WWC2: variants seen among roughly 807,000 people sequenced by gnomAD.
WWC2 encodes WW and C2 domain containing 2.
In WWC2, 101 loss-of-function variants were observed where a neutral mutation model predicts 138.5. The ratio of observed to expected loss-of-function variants is 0.73; its 90% CI spans 0.62 to 0.86. The LOEUF (loss-of-function observed/expected upper bound fraction) is 0.86, where lower values mean the gene tolerates loss of function less well. Ranked by LOEUF, WWC2 falls within the 40% of genes least tolerant of loss-of-function variation. The pLI is 0.00. For missense variants in WWC2, 1,420 were observed against 1,419.4 expected (o/e 1.00, Z -0.01); for synonymous variants, 558 against 538.4 (o/e 1.04, Z -0.50).
intron 20 of WWC2, among the ~76,000 whole-genome samples, chr4:183,287,151 G>A (rs77586336): frequency 5.1e-4 from 78 of 152,294 alleles, no homozygotes; most frequent in African/African-American, 1.8e-3. Flanking sequence ...CATGTGCAGA[G>A]TAAGAGATGC....
In WWC2 at chr4:183,282,864, C is replaced by G; in HGVS notation, c.2841C>G (p.Ala947=). 1 of 1,591,148 alleles carries G rather than the reference C, an allele frequency of 6.3e-7. No homozygotes were observed. The highest frequency in any genetic ancestry group is 8.6e-7 in the Non-Finnish European group (1 of 1,168,354). The part of the protein sequence containing the change: ...EDGNRKESNC[A]KDLRSQPPTR... Reference sequence around the variant, plus strand: ...GGAACAGGAAAGAAAGCAACTGTGCCAAAGACCTCAGAAGTCAGCCACCTA... The same window carrying G: ...GGAACAGGAAAGAAAGCAACTGTGCGAAAGACCTCAGAAGTCAGCCACCTA... Residue 947 remains alanine, a synonymous_variant, in exon 18 of 23, where the codon GCC becomes GCG. Coordinates refer to ENST00000403733, the MANE Select transcript of WWC2 (RefSeq NM_024949.6).
chr4:183,163,632 T>C (rs1166144203), intron 1 of WWC2, among the ~76,000 whole-genome samples: 1 of 152,210 alleles, frequency 6.6e-6, no homozygotes, highest in Non-Finnish European at 1.5e-5. Flanking sequence ...CCTTTATTTT[T>C]CATTTTGGTT....
chr4:183,150,426 A>T (rs944103996), intron 1 of WWC2, among the ~76,000 whole-genome samples: 29 of 152,302 alleles, frequency 1.9e-4, no homozygotes, highest in African/African-American at 6.7e-4. Context: ...AACAGAGTTC[A>T]AGGTCATCAC....
At chr4:183,201,451 C>T (rs1468970865) in intron 2 of WWC2, among the ~76,000 whole-genome samples, 1 of 152,142 alleles carries the variant, frequency 6.6e-6, no homozygotes, top group East Asian at 1.9e-4. Flanking sequence ...CGACTCAGGC[C>T]ATTTTGTTGA....
intron 14 of WWC2, among the ~76,000 whole-genome samples, chr4:183,266,737 T>A (rs114111546): frequency 1.8e-4 from 28 of 152,294 alleles, no homozygotes; most frequent in Non-Finnish European, 4.0e-4. Context: ...ATCTTAATAA[T>A]ATTTTGAATA....
chr4:183,201,438 G>A (rs566784727), intron 2 of WWC2, among the ~76,000 whole-genome samples: 2 of 152,246 alleles, frequency 1.3e-5, no homozygotes, highest in South Asian at 4.1e-4. Flanking sequence ...CACTGTGCCC[G>A]TCCGACTCAG....
At chr4:183,146,598 A>G (rs563404993) in intron 1 of WWC2, among the ~76,000 whole-genome samples, 12 of 152,292 alleles carry the variant, frequency 7.9e-5, no homozygotes, top group African/African-American at 2.9e-4. Flanking sequence ...GAAGGATCAC[A>G]GGAATTGAGT....
In WWC2 at chr4:183,315,813, T is replaced by G. The variant is rs1739418723; in HGVS notation, c.*84T>G. 3.3e-6 allele frequency: 4 copies of G among 1,213,762 alleles called. No homozygotes were observed. The highest frequency in any genetic ancestry group is 4.6e-6 in the Non-Finnish European group (4 of 875,694). 75.2% of individuals were successfully genotyped at this position (1,213,762 alleles called of 1,614,324 possible). On this transcript the variant is annotated 3_prime_UTR_variant, in exon 23 of 23. Transcript: ENST00000403733. ...CTGAAGATTTGTGTTTTTGTTTTGG[T>G]GTTTGGTTTTTTTTGGTAACGTAAC...
At chr4:183,231,251 G>A (rs1424369006) in intron 4 of WWC2, among the ~76,000 whole-genome samples, 1 of 137,786 alleles carries the variant, frequency 7.3e-6, no homozygotes, top group Non-Finnish European at 1.6e-5. Context: ...AACAGATACA[G>A]TGAAAGCTTT....
At chr4:183,219,786 T>C (rs1488736662) in intron 4 of WWC2, among the ~76,000 whole-genome samples, 1 of 152,194 alleles carries the variant, frequency 6.6e-6, no homozygotes, top group Non-Finnish European at 1.5e-5. Flanking sequence ...GTAAGCAGAA[T>C]TCTAAAATAT....
chr4:183,144,108 A>G (rs1194135777), intron 1 of WWC2, among the ~76,000 whole-genome samples: 6 of 152,242 alleles, frequency 3.9e-5, no homozygotes, highest in African/African-American at 1.4e-4. Context: ...GCCTGTTTAA[A>G]TGGGAACAGT....
At chr4:183,249,753 T>C (rs1368006814) in intron 7 of WWC2, among the ~76,000 whole-genome samples, 167 bp from the exon 8 acceptor site, 1 of 152,248 alleles carries the variant, frequency 6.6e-6, no homozygotes, top group Non-Finnish European at 1.5e-5. Flanking sequence ...AGAAATGTTT[T>C]GCCCCTACTG....
Position 183,260,958 on chromosome 4 carries a change from C to G in WWC2, c.1335C>G (p.Ser445=), listed in dbSNP as rs772470023. The change falls in exon 11 of 23, where the codon TCC becomes TCG. Residue 445 remains serine, a synonymous_variant. Transcript: ENST00000403733. ...LSMSSGSSLG[S]LASSRGSLNT... is the part of the protein sequence containing the mutation. ...TGTCATCTGGGAGCAGCCTGGGTTC[C>G]CTGGCATCGAGTCGGGGCTCTCTGA... 8 of 1,613,920 alleles carry G rather than the reference C, an allele frequency of 5.0e-6. No homozygotes were observed. The highest frequency in any genetic ancestry group is 6.8e-6 in the Non-Finnish European group (8 of 1,179,874).
chr4:183,224,381 A>G (rs1736010893), intron 4 of WWC2, among the ~76,000 whole-genome samples: 1 of 151,980 alleles, frequency 6.6e-6, no homozygotes, highest in Non-Finnish European at 1.5e-5. Flanking sequence ...TTATTTATTT[A>G]TTTGTTGGAA....
At chr4:183,275,864 G>A (rs1737838212) in intron 16 of WWC2, among the ~76,000 whole-genome samples, 1 of 152,106 alleles carries the variant, frequency 6.6e-6, no homozygotes, top group Non-Finnish European at 1.5e-5. Flanking sequence ...ACGTTTCATA[G>A]AATTCACAAG....
chr4:183,229,632 T>G (rs937436294), intron 4 of WWC2, among the ~76,000 whole-genome samples: 5 of 152,070 alleles, frequency 3.3e-5, no homozygotes, highest in Non-Finnish European at 7.3e-5. Flanking sequence ...TGGTATTCTT[T>G]TCCAGCATCC....
At chr4:183,278,238 C>T (rs2111396117) in intron 16 of WWC2, among the ~76,000 whole-genome samples, 1 of 152,182 alleles carries the variant, frequency 6.6e-6, no homozygotes, top group Middle Eastern at 3.4e-3. Flanking sequence ...ATAGGGAATC[C>T]TTTCCCCATT....
intron 21 of WWC2, among the ~76,000 whole-genome samples, chr4:183,311,344 A>G (rs563295296): frequency 2.7e-4 from 41 of 152,336 alleles, no homozygotes; most frequent in African/African-American, 9.9e-4. Context: ...TACATATAAC[A>G]GCGTGTATGA....
chr4:183,287,411 C>T (rs756801535), intron 20 of WWC2, among the ~76,000 whole-genome samples: 16 of 152,134 alleles, frequency 1.1e-4, no homozygotes, highest in Admixed American at 3.9e-4. Context: ...TCTTAAGCAG[C>T]TCATACTCTC....
Sources: gnomAD v4.1 joint callset for allele counts (sites outside exome capture counted in the v4.1 genomes callset) on GRCh38, gnomAD v4.1.1 for gene constraint, MANE v1.5 for transcripts, NCBI Gene and HGNC (gene_info 2026-07-23, HGNC 2026-07-21) for gene names.